Variants in MAP3K4 observed in about 807,000 individuals in gnomAD.
The protein encoded by MAP3K4 is MAP three kinase 1.
A neutral mutation model predicts 185.6 loss-of-function variants in MAP3K4; 67 were observed. The observed-to-expected ratio is 0.36, with a 90% confidence interval of 0.30 to 0.44. MAP3K4 has a LOEUF of 0.44. Ranked by LOEUF, MAP3K4 falls within the 20% of genes least tolerant of loss-of-function variation. The pLI, the probability that MAP3K4 is intolerant of heterozygous loss-of-function variation, is 1.00. For missense variants in MAP3K4, 1,551 were observed against 1,995.1 expected (o/e 0.78, Z 4.24); for synonymous variants, 702 against 710.4 (o/e 0.99, Z 0.19).
rs1293611157 is a variant in MAP3K4 at position 161,088,530 on chromosome 6, TCTG to T, written c.2823+579_2823+581del. Among the ~76,000 whole-genome samples, 2 of 152,124 alleles carry T rather than the reference TCTG, an allele frequency of 1.3e-5. No homozygotes were observed. Among genetic ancestry groups the T allele is most frequent in the African/African-American group, 4.8e-5 (2 of 41,412 alleles). On this transcript the variant is annotated intron_variant, in intron 10 of 26. Coordinates refer to ENST00000392142, the MANE Select transcript of MAP3K4 (RefSeq NM_005922.4). This position sits in a 1 kb window ranked among gnomAD's most constrained non-coding sequence, Gnocchi z 4.5. ...CTGCTGTATCCCTCACCCCAACAAC[TCTG>T]CTTTTATATTCCGTCTCAGTGAATG...
At position 161,116,766 on chromosome 6, in the gene MAP3K4, C is replaced by A; in HGVS notation, c.4807-84C>A. ...GAGCATCAGGATGAGTGGATGGGGC[C>A]TTCCCCGTAAGACTCATACTGCGCG... is the stretch of plus-strand genomic sequence containing the variant. On this transcript the variant is annotated intron_variant, in intron 26 of 26. Transcript: ENST00000392142. This position sits in a 1 kb window ranked among gnomAD's most constrained non-coding sequence, Gnocchi z 6.2. 1 of 1,225,662 alleles carries A rather than the reference C, an allele frequency of 8.2e-7. No individual in the cohort carries two copies. Among genetic ancestry groups the A allele is most frequent in the Non-Finnish European group, 1.2e-6 (1 of 833,158 alleles). The allele number at this position is 1,225,662 out of a possible 1,614,324, so 75.9% of individuals were successfully genotyped here.
At position 161,084,420 on chromosome 6, in the gene MAP3K4, T is replaced by A. The variant is rs1401919463; in HGVS notation, c.2256-81T>A. On this transcript the variant is annotated intron_variant, in intron 6 of 26. Transcript: ENST00000392142. This position sits in a 1 kb window ranked among gnomAD's most constrained non-coding sequence, Gnocchi z 4.6. ...AAACCATTAGAGCAGTAGCTGAGCCTTTCAAGTTTCTCAGTCAAGAATTAG... is the reference window on the plus strand; with the variant it reads ...AAACCATTAGAGCAGTAGCTGAGCCATTCAAGTTTCTCAGTCAAGAATTAG... 1.3e-6 allele frequency: 1 copy of A among 743,482 alleles called. No individual in the cohort carries two copies. The allele number at this position is 743,482 out of a possible 1,614,324, so 46.1% of individuals were successfully genotyped here.
chr6:160,994,799 C>A (rs1266546931), intron 1 of MAP3K4, among the ~76,000 whole-genome samples: 1 of 152,112 alleles, frequency 6.6e-6, no homozygotes, highest in African/African-American at 2.4e-5. Flanking sequence ...CTCCCGAGTT[C>A]GAGCAATTCT....
Position 161,106,472 on chromosome 6 carries a change from T to A in MAP3K4, c.3857-42T>A, listed in dbSNP as rs752738973. 4 of 1,455,052 alleles carry A rather than the reference T, an allele frequency of 2.7e-6. No homozygotes were observed. In the South Asian group the frequency reaches 5.2e-5, roughly 19 times the overall value. The allele number at this position is 1,455,052 out of a possible 1,614,324, so 90.1% of individuals were successfully genotyped here. On this transcript the variant is annotated intron_variant, in intron 19 of 26. Transcript: ENST00000392142. The surrounding 1 kb of genome is among the most constrained non-coding windows in gnomAD (Gnocchi z 4.9). ...GTTTGTCTTTTGGAAACTGACTTGA[T>A]AACAGTGATTGGGACTAATGAGGTT...
chr6:161,084,593 A>C lies in MAP3K4; in HGVS notation c.2348A>C (p.Asp783Ala), dbSNP rs1785607798. ...GCTGAATTTTGGACTAGTGCGGATG[A>C]CAGCAGTGCTTCCGACGAAATCAGG... ...SCAEFWTSAD[D>A]SSASDEIRRS... The change falls in exon 7 of 27, where the codon GAC becomes GCC. Residue 783 changes from aspartate to alanine, a missense_variant. Physicochemically the swap from Asp to Ala is moderately radical, Grantham distance 126. Transcript: ENST00000392142. This position sits in a 1 kb window ranked among gnomAD's most constrained non-coding sequence, Gnocchi z 4.6. The C allele has an allele frequency of 6.2e-7, 1 of 1,608,112 alleles. No individual in the cohort carries two copies. Among genetic ancestry groups the C allele is most frequent in the African/African-American group, 1.3e-5 (1 of 74,926 alleles).
Position 161,070,458 on chromosome 6 carries a change from T to G in MAP3K4, c.1708-150T>G. The G allele has an allele frequency of 1.8e-6, 1 of 552,796 alleles. No individual in the cohort carries two copies. Among genetic ancestry groups the G allele is most frequent in the South Asian group, 4.2e-5 (1 of 23,686 alleles). 34.2% of individuals were successfully genotyped at this position (552,796 alleles called of 1,614,324 possible). On this transcript the variant is annotated intron_variant, in intron 3 of 26. Transcript: ENST00000392142. The surrounding 1 kb of genome is among the most constrained non-coding windows in gnomAD (Gnocchi z 4.5). Reference sequence around the variant, plus strand: ...GTTGAAAATGTTGAAGTTATTAAATTCATTAAATTATTAAATATTCTTTTC... The same window carrying G: ...GTTGAAAATGTTGAAGTTATTAAATGCATTAAATTATTAAATATTCTTTTC...
At chr6:161,029,443 C>A (rs771342088) in intron 1 of MAP3K4, among the ~76,000 whole-genome samples, 14 of 152,130 alleles carry the variant, frequency 9.2e-5, no homozygotes, top group Non-Finnish European at 1.8e-4. Flanking sequence ...TCCTCTAAAA[C>A]CTACACCAAA....
chr6:161,093,728 A>G lies in MAP3K4; in HGVS notation c.3349-45A>G, dbSNP rs754211904. 9.3e-7 allele frequency: 1 copy of G among 1,077,616 alleles called. No homozygotes were observed. Among genetic ancestry groups the G allele is most frequent in the Non-Finnish European group, 1.4e-6 (1 of 703,876 alleles). The allele number at this position is 1,077,616 out of a possible 1,614,324, so 66.8% of individuals were successfully genotyped here. ...GTGCTACTTACATAATTAAGAAAGTATGCATGTTTTCTCTTTACCTTTCCC... is the reference window on the plus strand; with the variant it reads ...GTGCTACTTACATAATTAAGAAAGTGTGCATGTTTTCTCTTTACCTTTCCC... On this transcript the variant is annotated intron_variant, in intron 14 of 26. Transcript: ENST00000392142. This position sits in a 1 kb window ranked among gnomAD's most constrained non-coding sequence, Gnocchi z 5.2.
intron 3 of MAP3K4, among the ~76,000 whole-genome samples, chr6:161,066,724 C>T (rs1282239758): frequency 6.6e-6 from 1 of 152,150 alleles, no homozygotes; most frequent in South Asian, 2.1e-4. Flanking sequence ...TCTGTCTGGA[C>T]ATGTATTGAC....
intron 3 of MAP3K4, among the ~76,000 whole-genome samples, chr6:161,058,148 G>T (rs549164653): frequency 3.9e-5 from 6 of 152,382 alleles, no homozygotes; most frequent in Non-Finnish European, 7.3e-5. Context: ...AGCTCTGGCT[G>T]TAAAGCCATG....
chr6:161,084,373 A>G lies in MAP3K4; in HGVS notation c.2256-128A>G. 1.7e-6 allele frequency: 1 copy of G among 597,430 alleles called. No homozygotes were observed. Among genetic ancestry groups the G allele is most frequent in the Admixed American group, 2.6e-5 (1 of 38,826 alleles). 37.0% of individuals were successfully genotyped at this position (597,430 alleles called of 1,614,324 possible). ...CCAGGGTTTTATATTAAAAGAAGAG[A>G]AATTTTTCATTTTTGATTTTTAAAC... On this transcript the variant is annotated intron_variant, in intron 6 of 26. Transcript: ENST00000392142. The surrounding 1 kb of genome is among the most constrained non-coding windows in gnomAD (Gnocchi z 4.6).
chr6:160,998,037 TAAATA>T (rs1781086772), intron 1 of MAP3K4, among the ~76,000 whole-genome samples: 1 of 151,966 alleles, frequency 6.6e-6, no homozygotes, highest in South Asian at 2.1e-4. Flanking sequence ...AATAAATAAA[TAAATA>T]AAAATAAATA....
rs1194590753 is a variant in MAP3K4, at chr6:161,086,904, GCT to G, written c.2556+238_2556+239del. On this transcript the variant is annotated intron_variant, in intron 9 of 26. Transcript: ENST00000392142. The surrounding 1 kb of genome is among the most constrained non-coding windows in gnomAD (Gnocchi z 4.8). ...GATAAATAATAAAAAGTTTACTCATGCTGTTTATTAATTTAGTTACACATATT... is the reference window on the plus strand; with the variant it reads ...GATAAATAATAAAAAGTTTACTCATGGTTTATTAATTTAGTTACACATATT... Among the ~76,000 whole-genome samples, 1 of 152,024 alleles carries G rather than the reference GCT, an allele frequency of 6.6e-6. No individual in the cohort carries two copies. The highest frequency in any genetic ancestry group is 1.5e-5 in the Non-Finnish European group (1 of 68,008).
intron 2 of MAP3K4, among the ~76,000 whole-genome samples, chr6:161,038,193 C>T (rs1783271196): frequency 6.6e-6 from 1 of 152,132 alleles, no homozygotes; most frequent in Admixed American, 6.5e-5. Context: ...ATGAATAAGA[C>T]CTAGTTCCAG....
Position 161,034,101 on chromosome 6 carries a change from C to A in MAP3K4, c.153-158C>A, listed in dbSNP as rs1293239293. On this transcript the variant is annotated intron_variant, in intron 1 of 26. Transcript: ENST00000392142. The surrounding 1 kb of genome is among the most constrained non-coding windows in gnomAD (Gnocchi z 4.4). ...TCTCTTCAAGCAAAAGAAAAGTTCT[C>A]CTTTTGAGTTTTCACAGGTAAAAAT... Among the ~76,000 whole-genome samples, 1 of 152,142 alleles carries A rather than the reference C, an allele frequency of 6.6e-6. No individual in the cohort carries two copies. The highest frequency in any genetic ancestry group is 1.9e-4 in the East Asian group (1 of 5,198).
Position 161,048,468 on chromosome 6 carries a change from T to C in MAP3K4, c.344-148T>C. On this transcript the variant is annotated intron_variant, in intron 2 of 26. Coordinates refer to ENST00000392142, the MANE Select transcript of MAP3K4 (RefSeq NM_005922.4). This position sits in a 1 kb window ranked among gnomAD's most constrained non-coding sequence, Gnocchi z 4.7. ...ATGTCATATATATTTTTTGATTCCT[T>C]TAATTTTTAGGATATGGTATGCTTT... The C allele has an allele frequency of 1.7e-6, 1 of 598,506 alleles. No homozygotes were observed. The highest frequency in any genetic ancestry group is 2.4e-5 in the South Asian group (1 of 42,156). 37.1% of individuals were successfully genotyped at this position (598,506 alleles called of 1,614,324 possible).
chr6:161,019,283 C>T (rs546349840), intron 1 of MAP3K4, among the ~76,000 whole-genome samples: 3 of 152,292 alleles, frequency 2.0e-5, no homozygotes, highest in African/African-American at 7.2e-5. Context: ...ACCTTTGTTG[C>T]CTGTCTTAAA....
chr6:161,012,061 G>A (rs1447408251), intron 1 of MAP3K4, among the ~76,000 whole-genome samples: 1 of 152,070 alleles, frequency 6.6e-6, no homozygotes. Context: ...GGGTGGCCAC[G>A]CATTTCGAGT....
At chr6:161,060,211 T>C (rs1490915695) in intron 3 of MAP3K4, among the ~76,000 whole-genome samples, 3 of 152,182 alleles carry the variant, frequency 2.0e-5, no homozygotes, top group Admixed American at 6.5e-5. Flanking sequence ...TTATTAGATA[T>C]TGCTATAAGG....
Sources: gnomAD v4.1 joint callset for allele counts (sites outside exome capture counted in the v4.1 genomes callset) on GRCh38, gnomAD v4.1.1 for gene constraint, Gnocchi (gnomAD v3.1) non-coding constraint, MANE v1.5 for transcripts, NCBI Gene and HGNC (gene_info 2026-07-23, HGNC 2026-07-21) for gene names.